The following FGF12 variants were observed in gnomAD, a reference collection of about 807,000 sequenced individuals.
The protein encoded by FGF12 is fibroblast growth factor 12.
FGF12 carries 14 observed loss-of-function variants against 23.6 expected under a neutral mutation model. The ratio of observed to expected loss-of-function variants is 0.59; its 90% CI spans 0.39 to 0.93. The LOEUF (loss-of-function observed/expected upper bound fraction) is 0.93. FGF12 is among the 40% of genes least tolerant of loss of function. The probability of loss-of-function intolerance (pLI) is 0.00; values close to 1 mark genes in which losing one functional copy is unlikely to be tolerated. For missense variants in FGF12, 175 were observed against 217.8 expected (o/e 0.80, Z 1.24); for synonymous variants, 62 against 77.3 (o/e 0.80, Z 1.04).
At chr3:192,354,333 G>A (rs1268982155) in intron 3 of FGF12, among the ~76,000 whole-genome samples, 26 of 151,882 alleles carry the variant, frequency 1.7e-4, no homozygotes, top group Admixed American at 1.6e-3. Flanking sequence ...GAAAGAATAC[G>A]TTACAAAAAA....
chr3:192,667,197 A>G (rs1037034570), intron 2 of FGF12, among the ~76,000 whole-genome samples: 1 of 152,158 alleles, frequency 6.6e-6, no homozygotes, highest in African/African-American at 2.4e-5. Flanking sequence ...TTGTAAAACA[A>G]CTGTAGTGAA....
At chr3:192,724,171 C>T (rs1362871020) in intron 2 of FGF12, among the ~76,000 whole-genome samples, 1 of 152,052 alleles carries the variant, frequency 6.6e-6, no homozygotes, top group Non-Finnish European at 1.5e-5. Flanking sequence ...CCAAATCATG[C>T]TTCTCAAACA....
At chr3:192,262,289 T>C (rs1186435537) in intron 4 of FGF12, among the ~76,000 whole-genome samples, 2 of 152,268 alleles carry the variant, frequency 1.3e-5, no homozygotes, top group Admixed American at 6.5e-5. Flanking sequence ...CAGCTGTGGA[T>C]CATTTTGTTA....
At chr3:192,651,504 C>T (rs1268693569) in intron 2 of FGF12, among the ~76,000 whole-genome samples, 1 of 152,014 alleles carries the variant, frequency 6.6e-6, no homozygotes, top group Non-Finnish European at 1.5e-5. Context: ...CATTTTTCCC[C>T]TCGCCTTTGA....
chr3:192,305,783 C>T (rs1715608036), intron 4 of FGF12, among the ~76,000 whole-genome samples: 1 of 148,558 alleles, frequency 6.7e-6, no homozygotes, highest in African/African-American at 2.5e-5. Flanking sequence ...TATTAGTGAC[C>T]CCTATTTCCT....
chr3:192,534,227 A>G (rs995685297), intron 2 of FGF12: 8 of 152,192 alleles, frequency 5.3e-5, no homozygotes, highest in African/African-American at 1.9e-4. Flanking sequence ...GCTTTCCATT[A>G]CAGTTCAACA....
chr3:192,517,825 G>A (rs1724711749), intron 2 of FGF12, among the ~76,000 whole-genome samples: 1 of 152,092 alleles, frequency 6.6e-6, no homozygotes, highest in African/African-American at 2.4e-5. Flanking sequence ...GGATTTCAAT[G>A]TTCATGCTTT....
chr3:192,463,705 G>C (rs1480999685), intron 2 of FGF12, among the ~76,000 whole-genome samples: 1 of 152,154 alleles, frequency 6.6e-6, no homozygotes, highest in East Asian at 1.9e-4. Flanking sequence ...AGAAGCTCTA[G>C]GCATGACAGG....
intron 4 of FGF12, among the ~76,000 whole-genome samples, chr3:192,171,863 T>C (rs1456778525): frequency 6.7e-6 from 1 of 150,322 alleles, no homozygotes; most frequent in African/African-American, 2.5e-5. Context: ...AATCTCCTTA[T>C]TTGTAGAGAG....
Position 192,285,210 on chromosome 3 carries a change from ACC to A in FGF12, c.228+50149_228+50150del, listed in dbSNP as rs1363634060. 1.2e-4 allele frequency among the ~76,000 whole-genome samples: 19 copies of A among 152,160 alleles called. No homozygotes were observed. The East Asian group carries it at 3.5e-3, about 28-fold the overall frequency. ...TGACCCTTAGTAGTTGATAAGCAAT[ACC>A]TGTGACAGTGGAATTATTATCTCCA... On this transcript the variant is annotated intron_variant, in intron 4 of 5. Transcript: ENST00000445105.
chr3:192,458,838 C>T (rs1217127419), intron 2 of FGF12, among the ~76,000 whole-genome samples: 1 of 152,152 alleles, frequency 6.6e-6, no homozygotes, highest in Non-Finnish European at 1.5e-5. Context: ...CCACCCAAAT[C>T]TCATCTTGAA....
chr3:192,218,036 C>CATG (rs1718283522), intron 4 of FGF12, among the ~76,000 whole-genome samples: 1 of 152,072 alleles, frequency 6.6e-6, no homozygotes, highest in South Asian at 2.1e-4. Context: ...GTGGTTTCTC[C>CATG]ATGTTGGTCA....
intron 4 of FGF12, among the ~76,000 whole-genome samples, chr3:192,311,827 C>T (rs1715953783): frequency 6.6e-6 from 1 of 152,074 alleles, no homozygotes; most frequent in Non-Finnish European, 1.5e-5. Flanking sequence ...TTAATATAGC[C>T]TTTGCAGCGG....
Position 192,142,569 on chromosome 3 carries a change from A to G in FGF12, c.*1440T>C, listed in dbSNP as rs1713459241. The G allele has an allele frequency of 6.6e-6, 1 of 152,474 alleles. No homozygotes were observed. Among genetic ancestry groups the G allele is most frequent in the African/African-American group, 2.4e-5 (1 of 41,432 alleles). 9.4% of individuals were successfully genotyped at this position (152,474 alleles called of 1,614,324 possible). ...GGACTAAATAGATCTATTTATTCCAATGCAAATTGTGTAACATTTATTTCT... is the reference window on the plus strand; with the variant it reads ...GGACTAAATAGATCTATTTATTCCAGTGCAAATTGTGTAACATTTATTTCT... On this transcript the variant is annotated 3_prime_UTR_variant, in exon 6 of 6. Transcript: ENST00000445105.
At chr3:192,294,581 T>C (rs979346888) in intron 4 of FGF12, among the ~76,000 whole-genome samples, 3 of 152,194 alleles carry the variant, frequency 2.0e-5, no homozygotes, top group Non-Finnish European at 4.4e-5. Context: ...TCAGATCATA[T>C]AAAAGCAGAA....
At chr3:192,338,312 T>C (rs1717517924) in intron 3 of FGF12, among the ~76,000 whole-genome samples, 1 of 152,168 alleles carries the variant, frequency 6.6e-6, no homozygotes, top group Non-Finnish European at 1.5e-5. Context: ...CTCGAACTCC[T>C]GACCTTGTGA....
chr3:192,579,506 G>A (rs757084719), intron 2 of FGF12, among the ~76,000 whole-genome samples: 11 of 152,206 alleles, frequency 7.2e-5, no homozygotes, highest in Non-Finnish European at 1.5e-4. Context: ...GGGTAGGTAA[G>A]CTCAGGACAC....
At chr3:192,660,650 G>C (rs1458316274) in intron 2 of FGF12, among the ~76,000 whole-genome samples, 1 of 152,010 alleles carries the variant, frequency 6.6e-6, no homozygotes, top group Non-Finnish European at 1.5e-5. Flanking sequence ...AACTTACAAG[G>C]GATGAAAAAT....
intron 2 of FGF12, among the ~76,000 whole-genome samples, chr3:192,458,121 A>C (rs906749790): frequency 1.3e-5 from 2 of 152,206 alleles, no homozygotes; most frequent in African/African-American, 2.4e-5. Flanking sequence ...AGATGTATGG[A>C]AACGCCTGGA....
Sources: allele counts gnomAD v4.1 joint callset (sites outside exome capture counted in the v4.1 genomes callset), GRCh38; gene constraint gnomAD v4.1.1; transcripts MANE v1.5; gene names NCBI Gene and HGNC (gene_info 2026-07-23, HGNC 2026-07-21).